PID1: variants seen among roughly 807,000 people sequenced by gnomAD.
The protein encoded by PID1 is PTB-containing, cubilin and LRP1-interacting protein.
In PID1, 10 loss-of-function variants were observed where a neutral mutation model predicts 19.1. The observed-to-expected ratio is 0.52, with a 90% CI of 0.32 to 0.89. PID1 has a LOEUF of 0.89. Among genes scored for constraint, PID1 ranks in the 40% least tolerant of loss-of-function variants. The pLI is 0.03. For missense variants in PID1, 248 were observed against 285.3 expected (o/e 0.87, Z 0.94); for synonymous variants, 130 against 116.0 (o/e 1.12, Z -0.78).
At chr2:229,235,128 A>C (rs868044109) in intron 1 of PID1, among the ~76,000 whole-genome samples, 1 of 152,010 alleles carries the variant, frequency 6.6e-6, no homozygotes, top group African/African-American at 2.4e-5. Flanking sequence ...TTCACCACTC[A>C]GTTCCTACAA....
intron 1 of PID1, among the ~76,000 whole-genome samples, chr2:229,194,673 T>C (rs942379542): frequency 6.6e-6 from 1 of 151,984 alleles, no homozygotes; most frequent in African/African-American, 2.4e-5. Flanking sequence ...AATTTCATAA[T>C]GTATATGAAA....
At chr2:229,181,903 C>G (rs768693896) in intron 1 of PID1, among the ~76,000 whole-genome samples, 18 of 152,278 alleles carry the variant, frequency 1.2e-4, no homozygotes, top group South Asian at 1.0e-3. Context: ...TAAAGAGAAA[C>G]TTAAATGTAT....
At chr2:229,035,865 G>A (rs1693653040) in intron 2 of PID1, among the ~76,000 whole-genome samples, 1 of 152,130 alleles carries the variant, frequency 6.6e-6, no homozygotes, top group African/African-American at 2.4e-5. Flanking sequence ...AAGGTGGTTT[G>A]GGTCAAAGGC....
At chr2:229,151,731 C>T (rs576240936) in intron 2 of PID1, among the ~76,000 whole-genome samples, 1 of 152,100 alleles carries the variant, frequency 6.6e-6, no homozygotes, top group Non-Finnish European at 1.5e-5. Flanking sequence ...CCACCACGCC[C>T]GGCTAATTTT....
intron 2 of PID1, among the ~76,000 whole-genome samples, chr2:229,103,284 G>A (rs1487042623): frequency 1.3e-5 from 2 of 152,128 alleles, no homozygotes; most frequent in South Asian, 2.1e-4. Flanking sequence ...GACAAGGGAA[G>A]GGCTGATGTG....
intron 1 of PID1, among the ~76,000 whole-genome samples, chr2:229,254,970 C>T (rs1265274447): frequency 6.6e-6 from 1 of 152,120 alleles, no homozygotes; most frequent in African/African-American, 2.4e-5. Context: ...AAAGGTGCTA[C>T]AGGAAAAACA....
chr2:229,098,548 T>G (rs2106225719), intron 2 of PID1, among the ~76,000 whole-genome samples: 1 of 152,290 alleles, frequency 6.6e-6, no homozygotes, highest in South Asian at 2.1e-4. Flanking sequence ...AAACATAGTC[T>G]TTATGTTTAA....
At chr2:229,068,919 T>C (rs1022549541) in intron 2 of PID1, among the ~76,000 whole-genome samples, 1 of 152,118 alleles carries the variant, frequency 6.6e-6, no homozygotes, top group Admixed American at 6.6e-5. Flanking sequence ...CTTTCCACGA[T>C]GTGGTGCAGG....
chr2:229,104,626 G>A (rs1695138449), intron 2 of PID1, among the ~76,000 whole-genome samples: 1 of 151,994 alleles, frequency 6.6e-6, no homozygotes, highest in Admixed American at 6.6e-5. Flanking sequence ...TCCCAACTTA[G>A]GCAGTGCTCA....
chr2:229,205,775 CA>C, intron 1 of PID1, among the ~76,000 whole-genome samples: 1 of 152,228 alleles, frequency 6.6e-6, no homozygotes. Flanking sequence ...GAATCCTCTG[CA>C]AGCAAACTGT....
In PID1 at chr2:229,271,003, G is replaced by T; in HGVS notation, c.30+11C>A. On this transcript the variant is annotated intron_variant, in intron 1 of 2. Transcript: ENST00000392055. The stretch of plus-strand genomic sequence containing the variant: ...CTCCAGGCTGGCCCCCGGCTCCCGG[G>T]TGCCCCTTACCTGCAGGCGCTCCGT... 1.9e-6 allele frequency: 3 copies of T among 1,540,112 alleles called. No homozygotes were observed. Among genetic ancestry groups the T allele is most frequent in the South Asian group, 1.2e-5 (1 of 83,200 alleles).
At chr2:229,215,099 C>T (rs188819912) in intron 1 of PID1, among the ~76,000 whole-genome samples, 25 of 152,276 alleles carry the variant, frequency 1.6e-4, no homozygotes, top group African/African-American at 5.8e-4. Context: ...TGGGAAAGCA[C>T]CTGTTATCCC....
At chr2:229,090,173 C>T (rs1018203177) in intron 2 of PID1, among the ~76,000 whole-genome samples, 1 of 152,132 alleles carries the variant, frequency 6.6e-6, no homozygotes, top group African/African-American at 2.4e-5. Flanking sequence ...ATCAGAACAC[C>T]TGCCTATTCC....
intron 1 of PID1, among the ~76,000 whole-genome samples, chr2:229,224,998 C>T (rs1043839095): frequency 2.0e-5 from 3 of 152,148 alleles, no homozygotes; most frequent in African/African-American, 7.2e-5. Context: ...GATAATGTCT[C>T]TGAAATGTCA....
chr2:229,137,785 T>A (rs1689886337), intron 2 of PID1, among the ~76,000 whole-genome samples: 1 of 152,204 alleles, frequency 6.6e-6, no homozygotes, highest in African/African-American at 2.4e-5. Flanking sequence ...ATGCTTTCTG[T>A]AAATGAAGCA....
chr2:229,142,770 T>C (rs573518002), intron 2 of PID1, among the ~76,000 whole-genome samples: 40 of 152,318 alleles, frequency 2.6e-4, no homozygotes, highest in African/African-American at 9.1e-4. Flanking sequence ...AGTTCACCCC[T>C]TGTGGAAGTC....
intron 2 of PID1, among the ~76,000 whole-genome samples, chr2:229,120,836 C>A (rs77127892): frequency 1.3e-5 from 2 of 151,848 alleles, no homozygotes. Context: ...TGAGTTCTTG[C>A]CCCTGTGAGA....
At chr2:229,182,414 T>TA (rs34627534) in intron 1 of PID1, among the ~76,000 whole-genome samples, 15,088 of 151,840 alleles carry the variant, frequency 0.099, 942 homozygotes, top group South Asian at 0.25. Flanking sequence ...TTTAAAGTAT[T>TA]AAAAAAAAGC....
At position 229,247,351 on chromosome 2, in the gene PID1, A is replaced by G. The variant is rs78861365; in HGVS notation, c.30+23663T>C. Among the ~76,000 whole-genome samples the G allele has an allele frequency of 7.5e-4, 114 of 152,306 alleles. 1 individual carries two copies. In the East Asian group the frequency reaches 0.019, roughly 26 times the overall value. On this transcript the variant is annotated intron_variant, in intron 1 of 2. Transcript: ENST00000392055. ...ACATGGCTCCTCTCACATGGCTTAA[A>G]AGGGCCTCTCAAATGACCATCACAT...
Sources: gnomAD v4.1 joint callset for allele counts (sites outside exome capture counted in the v4.1 genomes callset) on GRCh38, gnomAD v4.1.1 for gene constraint, MANE v1.5 for transcripts, NCBI Gene and HGNC (gene_info 2026-07-23, HGNC 2026-07-21) for gene names.